Variants in TPPP observed in about 807,000 individuals in gnomAD.
TPPP encodes the protein tubulin polymerization-promoting protein.
A neutral mutation model predicts 15.5 loss-of-function variants in TPPP; 6 were observed. The ratio of observed to expected loss-of-function variants is 0.39; its 90% confidence interval spans 0.21 to 0.77. The LOEUF (loss-of-function observed/expected upper bound fraction) is 0.77. TPPP is among the 30% of genes least tolerant of loss of function. TPPP has a pLI of 0.42. For missense variants in TPPP, 269 were observed against 307.2 expected (o/e 0.88, Z 0.93); for synonymous variants, 146 against 133.9 (o/e 1.09, Z -0.63).
In TPPP at chr5:660,452, C is replaced by G. The variant is rs889563425; in HGVS notation, c.*4650G>C. 1.3e-5 allele frequency: 2 copies of G among 152,286 alleles called. No homozygotes were observed. Among genetic ancestry groups the G allele is most frequent in the Non-Finnish European group, 2.9e-5 (2 of 68,044 alleles). The allele number at this position is 152,286 out of a possible 1,614,324, so 9.4% of individuals were successfully genotyped here. On this transcript the variant is annotated 3_prime_UTR_variant, in exon 4 of 4. Transcript: ENST00000360578. Reference sequence around the variant, plus strand: ...GGACCACCAGAGCTCACAAAGTGTTCAGTAGTAAGAGGAGGAAAGATGCAG... The same window carrying G: ...GGACCACCAGAGCTCACAAAGTGTTGAGTAGTAAGAGGAGGAAAGATGCAG...
At chr5:673,769 G>A (rs148475515) in intron 2 of TPPP, among the ~76,000 whole-genome samples, 6 of 152,268 alleles carry the variant, frequency 3.9e-5, no homozygotes, top group African/African-American at 7.2e-5. Context: ...CCCCCCAAGC[G>A]CCTGAGCAGC....
intron 2 of TPPP, among the ~76,000 whole-genome samples, chr5:677,302 G>A (rs1030410520): frequency 6.6e-6 from 1 of 152,200 alleles, no homozygotes; most frequent in African/African-American, 2.4e-5. Flanking sequence ...AGCCCACAGA[G>A]GGTCAGGAGC....
rs200264279 is a variant in TPPP, at chr5:677,902, C to G, written c.159G>C (p.Glu53Asp). 7 of 1,612,824 alleles carry G rather than the reference C, an allele frequency of 4.3e-6. No individual in the cohort carries two copies. The Admixed American group carries it at 1.0e-4, about 23-fold the overall frequency. Residue 53 changes from glutamate (E) to aspartate (D), a missense_variant, in exon 2 of 4, where the codon GAG becomes GAC. Physicochemically the swap from Glu to Asp is conservative, Grantham distance 45. Coordinates refer to ENST00000360578, the MANE Select transcript of TPPP (RefSeq NM_007030.3). ...AASPELSALEEAFRRFAVHGD... is the reference protein window; with the variant it reads ...AASPELSALEDAFRRFAVHGD... ...CGTGCACGGCAAAGCGCCGGAAGGC[C>G]TCCTCCAGGGCACTGAGCTCAGGGG...
the TPPP span, among the ~76,000 whole-genome samples, chr5:699,836 TG>T: frequency 5.3e-5 from 4 of 75,484 alleles, no homozygotes; most frequent in South Asian, 1.2e-3. Context: ...TCAAAAAACA[TG>T]AAAAAAATGC....
At chr5:672,137 C>T (rs971876773) in intron 2 of TPPP, among the ~76,000 whole-genome samples, 20 of 152,192 alleles carry the variant, frequency 1.3e-4, no homozygotes, top group African/African-American at 4.1e-4. Flanking sequence ...GGGAACAGTC[C>T]GAAGACTTTA....
intron 1 of TPPP, among the ~76,000 whole-genome samples, chr5:678,648 G>C (rs1022453033): frequency 2.1e-5 from 3 of 139,706 alleles, no homozygotes; most frequent in Non-Finnish European, 4.4e-5. Flanking sequence ...GGTGGCCCTG[G>C]GGGCGCCTCA....
chr5:684,057 G>A (rs547315503), intron 1 of TPPP, among the ~76,000 whole-genome samples: 1 of 152,348 alleles, frequency 6.6e-6, no homozygotes, highest in African/African-American at 2.4e-5. Context: ...AAACCCCAGG[G>A]CCAGACCCCA....
At chr5:671,127 G>A (rs369095260) in intron 2 of TPPP, among the ~76,000 whole-genome samples, 93 of 152,302 alleles carry the variant, frequency 6.1e-4, no homozygotes, top group African/African-American at 2.1e-3. Context: ...TCTGGCTACC[G>A]AAGGCTCCCC....
In TPPP at chr5:677,855, CTCCCGGTGGCCCTGGCGT is replaced by C; in HGVS notation, c.188_205del (p.Asp63_Arg69delinsGly). On this transcript the variant is annotated inframe_deletion, in exon 2 of 4. Transcript: ENST00000360578. The stretch of plus-strand genomic sequence containing the variant: ...CGACCAGTTCTTGCCGTGCATCTCC[CTCCCGGTGGCCCTGGCGT>C]CCCCGTGCACGGCAAAGCGCCGGAA... The C allele has an allele frequency of 6.2e-7, 1 of 1,612,722 alleles. No individual in the cohort carries two copies.
At chr5:699,681 C>G in the TPPP span, among the ~76,000 whole-genome samples, 1 of 150,388 alleles carries the variant, frequency 6.6e-6, no homozygotes, top group African/African-American at 2.4e-5. Context: ...AATAGACAAC[C>G]TGCAGAATGG....
upstream of TPPP, among the ~76,000 whole-genome samples, chr5:697,199 A>G (rs1317930440): frequency 6.8e-5 from 10 of 146,866 alleles, no homozygotes; most frequent in Admixed American, 6.8e-4. Context: ...TGGCCCCCCT[A>G]TCACACACCT....
At position 679,327 on chromosome 5, in the gene TPPP, G is replaced by A. The variant is rs1349115331; in HGVS notation, c.-4-1263C>T. Among the ~76,000 whole-genome samples, 159 of 151,310 alleles carry A rather than the reference G, an allele frequency of 1.1e-3. 1 individual carries two copies. The highest frequency in any genetic ancestry group is 1.6e-3 in the African/African-American group (67 of 40,730). On this transcript the variant is annotated intron_variant, in intron 1 of 3. Transcript: ENST00000360578. ...ACCCACTCACCCCTTTCCCTGGAAG[G>A]CACCAAAAATGCAGATGCCAACCCA...
intron 2 of TPPP, among the ~76,000 whole-genome samples, chr5:668,204 TACCGACAA>T: frequency 8.6e-6 from 1 of 116,572 alleles, no homozygotes; most frequent in African/African-American, 3.3e-5. Flanking sequence ...GTCAGGGAAG[TACCGACAA>T]GCACACAGAG....
At chr5:673,108 G>A (rs1056908225) in intron 2 of TPPP, among the ~76,000 whole-genome samples, 7 of 152,150 alleles carry the variant, frequency 4.6e-5, no homozygotes, top group African/African-American at 1.7e-4. Context: ...GGGAGGCAGA[G>A]GCTCCCACAA....
Position 664,047 on chromosome 5 carries a change from A to T in TPPP, c.*1055T>A, listed in dbSNP as rs1164820476. On this transcript the variant is annotated 3_prime_UTR_variant, in exon 4 of 4. Transcript: ENST00000360578. ...CCTGCTGGCAGAGAAACCCCCACAG[A>T]CACTGCAGGACTGGGGGTCCTCCCT... 6.6e-6 allele frequency: 1 copy of T among 152,472 alleles called. No homozygotes were observed. The highest frequency in any genetic ancestry group is 1.5e-5 in the Non-Finnish European group (1 of 68,156). 9.4% of individuals were successfully genotyped at this position (152,472 alleles called of 1,614,324 possible).
At chr5:672,083 C>G (rs900143265) in intron 2 of TPPP, among the ~76,000 whole-genome samples, 1 of 152,246 alleles carries the variant, frequency 6.6e-6, no homozygotes, top group African/African-American at 2.4e-5. Context: ...TCTCTCCAAA[C>G]CTGGGTCCTG....
intron 1 of TPPP, among the ~76,000 whole-genome samples, chr5:681,089 C>T (rs1740609391): frequency 6.6e-6 from 1 of 152,186 alleles, no homozygotes; most frequent in African/African-American, 2.4e-5. Flanking sequence ...TGGGTGGGCG[C>T]CTCTCCCTTG....
intron 1 of TPPP, among the ~76,000 whole-genome samples, chr5:687,301 G>A (rs1159625006): frequency 3.7e-5 from 5 of 136,678 alleles, no homozygotes; most frequent in South Asian, 2.4e-4. Flanking sequence ...GTGACACAGC[G>A]GGTGGGACCA....
chr5:684,818 C>T (rs1740723642), intron 1 of TPPP, among the ~76,000 whole-genome samples: 1 of 152,214 alleles, frequency 6.6e-6, no homozygotes, highest in Non-Finnish European at 1.5e-5. Context: ...CCACTCTTCT[C>T]AGCCCAGGCC....
Sources: allele counts gnomAD v4.1 joint callset (sites outside exome capture counted in the v4.1 genomes callset), GRCh38; gene constraint gnomAD v4.1.1; transcripts MANE v1.5; gene names NCBI Gene and HGNC (gene_info 2026-07-23, HGNC 2026-07-21).